The following MEGF6 variants were observed in gnomAD, a reference collection of about 807,000 sequenced individuals.
MEGF6 encodes the protein multiple epidermal growth factor-like domains protein 6.
Under a neutral mutation model 207.1 loss-of-function variants are expected in MEGF6, and 184 were observed. The ratio of observed to expected loss-of-function variants is 0.89; its 90% CI spans 0.79 to 1.00. MEGF6 has a LOEUF of 1.00. MEGF6 is among the 50% of genes least tolerant of loss of function. The pLI is 0.00. For synonymous variants in MEGF6, 1,038 were observed against 910.0 expected (o/e 1.14, Z -2.53); for missense variants, 2,282 against 2,202.9 (o/e 1.04, Z -0.72).
chr1:3,621,755 G>A, the MEGF6 span, among the ~76,000 whole-genome samples: 1 of 152,184 alleles, frequency 6.6e-6, no homozygotes, highest in Admixed American at 6.5e-5. Flanking sequence ...GCACTCAGGG[G>A]CAGAGCTTCC....
At chr1:3,582,328 C>A (rs534449149) in intron 3 of MEGF6, among the ~76,000 whole-genome samples, 46 of 152,298 alleles carry the variant, frequency 3.0e-4, no homozygotes, top group African/African-American at 1.1e-3. Flanking sequence ...GCTCACCGAG[C>A]GGCTCAGACC....
intron 3 of MEGF6, among the ~76,000 whole-genome samples, chr1:3,589,286 C>T (rs894688263): frequency 4.6e-5 from 7 of 152,176 alleles, no homozygotes; most frequent in African/African-American, 1.7e-4. Context: ...TCCTCCAGAA[C>T]TGTGAGAGAG....
At chr1:3,496,115 G>A in intron 29 of MEGF6, 97 bp from the exon 30 acceptor site, 1 of 1,418,588 alleles carries the variant, frequency 7.0e-7, no homozygotes, top group Non-Finnish European at 9.2e-7. Flanking sequence ...TGGGGTGAGG[G>A]GACCCTGGGT....
intron 21 of MEGF6, among the ~76,000 whole-genome samples, chr1:3,500,292 T>C (rs1473598709): frequency 6.6e-6 from 1 of 152,110 alleles, no homozygotes; most frequent in Non-Finnish European, 1.5e-5. Context: ...CCTCCCACAG[T>C]GGGGGACAGA....
rs1336054475 is a variant in MEGF6 at position 3,530,448 on chromosome 1, C to T, written c.482-6202G>A. On this transcript the variant is annotated intron_variant, in intron 4 of 36. Coordinates refer to ENST00000356575, the MANE Select transcript of MEGF6 (RefSeq NM_001409.4). ...TCCAATTCCACCCCCTCCTCCAATTCCCGAGGGTGCCCAGCTCCAAGCTCT... is the reference window on the plus strand; with the variant it reads ...TCCAATTCCACCCCCTCCTCCAATTTCCGAGGGTGCCCAGCTCCAAGCTCT... Among the ~76,000 whole-genome samples, 2 of 152,216 alleles carry T rather than the reference C, an allele frequency of 1.3e-5. 1 individual carries two copies. The highest frequency in any genetic ancestry group is 6.3e-3 in the Middle Eastern group (2 of 316).
intron 4 of MEGF6, among the ~76,000 whole-genome samples, chr1:3,527,724 C>T (rs1642014029): frequency 1.3e-5 from 2 of 152,202 alleles, no homozygotes; most frequent in African/African-American, 4.8e-5. Context: ...GTGTGGGTGG[C>T]ACCCACCTGA....
Position 3,501,015 on chromosome 1 carries a change from G to A in MEGF6, c.2526C>T (p.Thr842=), listed in dbSNP as rs554259244. 2.0e-5 allele frequency: 33 copies of A among 1,612,566 alleles called. No individual in the cohort carries two copies. Among genetic ancestry groups the A allele is most frequent in the African/African-American group, 2.7e-5 (2 of 75,046 alleles). Residue 842 remains threonine, a synonymous_variant, in exon 20 of 37, where the codon ACC becomes ACT. Transcript: ENST00000356575. ...CANDGHCHPA[T]GHCSCAPGWT... ...ACCCGGGGGCACAGCTGCAGTGTCC[G>A]GTGGCTGGGTGGCAGTGCCCATCAT...
Position 3,506,123 on chromosome 1 carries a change from G to T in MEGF6, c.1903C>A (p.Arg635Ser). 7.5e-6 allele frequency: 12 copies of T among 1,594,844 alleles called. No homozygotes were observed. Among genetic ancestry groups the T allele is most frequent in the Non-Finnish European group, 1.0e-5 (12 of 1,171,260 alleles). ...TGAGACTCACTGAGGTGGCAGAAGC[G>T]GCCGTAGAGCCCTGGGTCGCAGAGG... ...ACLCDPGLYGRFCHLTCPPWA... is the reference protein window; with the variant it reads ...ACLCDPGLYGSFCHLTCPPWA... The change falls in exon 15 of 37, where the codon CGC becomes AGC. Residue 635 changes from arginine to serine, a missense_variant. Transcript: ENST00000356575.
rs146628586 is a variant in MEGF6, at chr1:3,605,353, G to A, written c.132-2753C>T. Reference sequence around the variant, plus strand: ...ACACTCAACATGCTCATACACTCACGCACGTTCACACACACTCAATCACAC... The same window carrying A: ...ACACTCAACATGCTCATACACTCACACACGTTCACACACACTCAATCACAC... On this transcript the variant is annotated intron_variant, in intron 1 of 36. Coordinates refer to ENST00000356575, the MANE Select transcript of MEGF6 (RefSeq NM_001409.4). Among the ~76,000 whole-genome samples the A allele has an allele frequency of 3.9e-3, 440 of 112,130 alleles. 2 individuals are homozygous for A. Among genetic ancestry groups the A allele is most frequent in the African/African-American group, 0.011 (423 of 37,500 alleles). 73.6% of individuals were successfully genotyped at this position (112,130 alleles called of 152,430 possible).
intron 24 of MEGF6, 93 bp downstream of exon 24, chr1:3,499,045 C>T: frequency 6.6e-7 from 1 of 1,518,764 alleles, no homozygotes; most frequent in Non-Finnish European, 8.9e-7. Flanking sequence ...TTCCTCCCTC[C>T]CCCAGGCACC....
At chr1:3,547,711 G>A (rs1046539506) in intron 4 of MEGF6, among the ~76,000 whole-genome samples, 3 of 152,186 alleles carry the variant, frequency 2.0e-5, no homozygotes, top group Admixed American at 2.0e-4. Flanking sequence ...AAGTTGCTGA[G>A]CCCAGCCTGC....
At chr1:3,610,401 C>G (rs1378732788) in intron 1 of MEGF6, among the ~76,000 whole-genome samples, 1 of 152,180 alleles carries the variant, frequency 6.6e-6, no homozygotes, top group Non-Finnish European at 1.5e-5. Context: ...AGGCCTTCAC[C>G]TGGACCTGGC....
intron 4 of MEGF6, among the ~76,000 whole-genome samples, chr1:3,575,889 G>A (rs1265576969): frequency 6.6e-6 from 1 of 152,174 alleles, no homozygotes; most frequent in African/African-American, 2.4e-5. Context: ...CCATCACAAT[G>A]GTTGTCCCTG....
chr1:3,497,473 A>G, intron 26 of MEGF6, 112 bp from the exon 27 acceptor site: 1 of 1,299,284 alleles, frequency 7.7e-7, no homozygotes, highest in Non-Finnish European at 1.0e-6. Context: ...TGCTGGCTGA[A>G]CTGGGGGCTG....
the MEGF6 span, among the ~76,000 whole-genome samples, chr1:3,622,632 A>G: frequency 6.6e-6 from 1 of 152,142 alleles, no homozygotes; most frequent in African/African-American, 2.4e-5. Context: ...GGAGGCAGGG[A>G]TGGGAGCAGT....
chr1:3,611,021 C>T, intron 1 of MEGF6, 117 bp downstream of exon 1: 1 of 1,268,974 alleles, frequency 7.9e-7, no homozygotes, highest in Non-Finnish European at 1.0e-6. Context: ...TTAACGCAAA[C>T]AGCCCATTGT....
intron 11 of MEGF6, among the ~76,000 whole-genome samples, chr1:3,509,663 A>T (rs953657220): frequency 3.9e-5 from 6 of 152,028 alleles, no homozygotes; most frequent in African/African-American, 1.4e-4. Context: ...ACTGTCCCCA[A>T]CCCCCACACG....
chr1:3,602,735 G>T, intron 1 of MEGF6, 135 bp from the exon 2 acceptor site: 1 of 1,319,664 alleles, frequency 7.6e-7, no homozygotes, highest in Non-Finnish European at 1.0e-6. Context: ...CCACGGCACA[G>T]TGCCCATGCC....
chr1:3,564,969 C>G lies in MEGF6; in HGVS notation c.481+14856G>C, dbSNP rs138894655. Among the ~76,000 whole-genome samples the G allele has an allele frequency of 3.7e-3, 559 of 152,332 alleles. 4 individuals carry two copies. Among genetic ancestry groups the G allele is most frequent in the Middle Eastern group, 0.024 (7 of 294 alleles). ...CCGAGGCATTCTCCAGCCCCATATC[C>G]TGACATTCTCTACGGCAGGCACCAC... is the stretch of plus-strand genomic sequence containing the variant. On this transcript the variant is annotated intron_variant, in intron 4 of 36. Transcript: ENST00000356575.
Sources: gnomAD v4.1 joint callset for allele counts (sites outside exome capture counted in the v4.1 genomes callset) on GRCh38, gnomAD v4.1.1 for gene constraint, MANE v1.5 for transcripts, NCBI Gene and HGNC (gene_info 2026-07-23, HGNC 2026-07-21) for gene names.